Variants in TCF7 observed in about 807,000 individuals in gnomAD.
TCF7 encodes the protein T-cell-factor-7.
Under a neutral mutation model 46.8 loss-of-function variants are expected in TCF7, and 19 were observed. The ratio of observed to expected loss-of-function variants is 0.41; its 90% CI spans 0.28 to 0.60. The LOEUF (loss-of-function observed/expected upper bound fraction) is 0.60, where lower values mean the gene tolerates loss of function less well. Ranked by LOEUF, TCF7 falls within the 20% of genes least tolerant of loss-of-function variation. The probability of loss-of-function intolerance (pLI) is 0.35; values close to 1 mark genes in which losing one functional copy is unlikely to be tolerated. For synonymous variants in TCF7, 245 were observed against 213.4 expected, an observed-to-expected ratio of 1.15 and a Z score of -1.29; for missense variants, 547 against 504.6, an observed-to-expected ratio of 1.08 and a Z score of -0.81.
At chr5:134,139,290 G>A in intron 5 of TCF7, 1 of 535,460 alleles carries the variant, frequency 1.9e-6, no homozygotes, top group Non-Finnish European at 3.3e-6. Context: ...CCTGGTCCCA[G>A]CCCTGTCTCC....
intron 3 of TCF7, among the ~76,000 whole-genome samples, chr5:134,118,673 T>G (rs573311379): frequency 2.0e-5 from 3 of 152,140 alleles, no homozygotes; most frequent in African/African-American, 4.8e-5. Flanking sequence ...AAGAAAAAAT[T>G]AGGTCAAAGT....
At chr5:134,145,094 A>G in intron 9 of TCF7, 2 of 639,434 alleles carry the variant, frequency 3.1e-6, no homozygotes, top group Non-Finnish European at 5.7e-6. Flanking sequence ...AAGACACAGA[A>G]TGTTCCAGAA....
intron 8 of TCF7, 162 bp from the exon 9 acceptor site, chr5:134,143,430 C>T (rs779687082): frequency 1.1e-6 from 1 of 877,878 alleles, no homozygotes; most frequent in Admixed American, 1.7e-5. Context: ...AAATGCACTC[C>T]ATAGCAGCCT....
At chr5:134,133,263 C>G (rs1758406391) in intron 3 of TCF7, among the ~76,000 whole-genome samples, 1 of 152,220 alleles carries the variant, frequency 6.6e-6, no homozygotes, top group Non-Finnish European at 1.5e-5. Flanking sequence ...TGAGCACTTA[C>G]TGTGCACCCA....
Position 134,115,935 on chromosome 5 carries a change from G to A in TCF7, c.343G>A (p.Gly115Ser), listed in dbSNP as rs1561646475. Residue 115 changes from glycine (G) to serine (S), a missense_variant, in exon 3 of 10, where the codon GGC becomes AGC. This residue lies in a region of TCF7 where 425 missense variants were observed against 349.9 expected (regional missense o/e 1.21). Coordinates refer to ENST00000342854, the MANE Select transcript of TCF7 (RefSeq NM_003202.5). ...DGLKAPECTS[G>S]MYKETVYSAF... is the part of the protein sequence containing the mutation. ...CCTGAAGGCCCCGGAGTGCACCAGC[G>A]GCATGTACAAAGAGACCGTCTACTC... 2 of 1,613,816 alleles carry A rather than the reference G, an allele frequency of 1.2e-6. No individual in the cohort carries two copies. The highest frequency in any genetic ancestry group is 1.7e-6 in the Non-Finnish European group (2 of 1,180,012).
chr5:134,132,740 G>C (rs1449836833), intron 3 of TCF7, among the ~76,000 whole-genome samples: 1 of 150,864 alleles, frequency 6.6e-6, no homozygotes, highest in Non-Finnish European at 1.5e-5. Context: ...GAAGTTGGGG[G>C]GTGCGGGTTG....
intron 3 of TCF7, among the ~76,000 whole-genome samples, chr5:134,129,110 C>T (rs1388927520): frequency 2.6e-5 from 4 of 152,196 alleles, no homozygotes; most frequent in African/African-American, 4.8e-5. Context: ...TGTGAGACCT[C>T]GGGCAAGATT....
At chr5:134,115,485 C>G (rs1243510885) in intron 2 of TCF7, 98 bp downstream of exon 2, 5 of 1,506,078 alleles carry the variant, frequency 3.3e-6, no homozygotes, top group Non-Finnish European at 4.5e-6. Flanking sequence ...GGTGCCTCCC[C>G]CACCGCAGCT....
chr5:134,147,957 CAG>C lies in TCF7; in HGVS notation c.*1655_*1656del, dbSNP rs927006405. Reference sequence around the variant, plus strand: ...CGCTATTGCACTCCAGTCTGGGTAACAGGGAGACTGCATCTCAAAAAAAAAAA... The same window carrying C: ...CGCTATTGCACTCCAGTCTGGGTAACGGAGACTGCATCTCAAAAAAAAAAA... On this transcript the variant is annotated 3_prime_UTR_variant, in exon 10 of 10. Coordinates refer to ENST00000342854, the MANE Select transcript of TCF7 (RefSeq NM_003202.5). The C allele has an allele frequency of 4.4e-5, 5 of 112,476 alleles. No homozygotes were observed. The highest frequency in any genetic ancestry group is 2.9e-4 in the South Asian group (1 of 3,470). The allele number at this position is 112,476 out of a possible 1,614,324, so 7.0% of individuals were successfully genotyped here. A position where few individuals can be genotyped will look rare whatever the true frequency, so the allele number is the denominator to read the frequency against.
intron 3 of TCF7, among the ~76,000 whole-genome samples, chr5:134,132,623 TCTG>T (rs1758298084): frequency 6.6e-6 from 1 of 152,192 alleles, no homozygotes; most frequent in Admixed American, 6.5e-5. Flanking sequence ...AGGGAGTTTC[TCTG>T]CTGGCGGTGG....
At chr5:134,131,449 G>A (rs1758115929) in intron 3 of TCF7, among the ~76,000 whole-genome samples, 1 of 152,220 alleles carries the variant, frequency 6.6e-6, no homozygotes, top group Non-Finnish European at 1.5e-5. Flanking sequence ...TGCTCTGGAG[G>A]TAGCACAAGG....
intron 3 of TCF7, among the ~76,000 whole-genome samples, chr5:134,126,617 G>A (rs933973171): frequency 7.2e-5 from 11 of 152,230 alleles, no homozygotes; most frequent in African/African-American, 2.7e-4. Flanking sequence ...TGTACAAGTC[G>A]GTAGGGCACA....
chr5:134,138,267 C>T, intron 4 of TCF7, 103 bp downstream of exon 4: 1 of 1,022,134 alleles, frequency 9.8e-7, no homozygotes, highest in Non-Finnish European at 1.5e-6. Flanking sequence ...AACTGGAGAA[C>T]CTGGGGCTGT....
upstream of TCF7, among the ~76,000 whole-genome samples, chr5:134,111,091 G>A (rs1240756810): frequency 1.3e-5 from 2 of 152,192 alleles, no homozygotes; most frequent in Non-Finnish European, 2.9e-5. Context: ...AGCAGGGCAG[G>A]CCTGCGTATG....
At chr5:134,139,209 C>A in intron 5 of TCF7, 171 bp downstream of exon 5, 1 of 976,214 alleles carries the variant, frequency 1.0e-6, no homozygotes, top group Non-Finnish European at 1.5e-6. Context: ...AGCTAGGGGT[C>A]CTCATGTACC....
intron 3 of TCF7, chr5:134,123,725 C>T (rs1239323457): frequency 2.2e-6 from 1 of 456,362 alleles, no homozygotes; most frequent in Admixed American, 2.3e-5. Context: ...CTGGGAGAAG[C>T]TGATGGGCGC....
intron 3 of TCF7, among the ~76,000 whole-genome samples, chr5:134,121,673 C>T (rs1033136796): frequency 2.6e-5 from 4 of 152,130 alleles, no homozygotes; most frequent in Non-Finnish European, 5.9e-5. Context: ...ATTCTTGCCA[C>T]GATGCCACAG....
chr5:134,144,481 C>T (rs895108680), intron 9 of TCF7: 2 of 375,722 alleles, frequency 5.3e-6, no homozygotes, highest in African/African-American at 4.1e-5. Flanking sequence ...TTCCTTGGGC[C>T]CCTCTGCAGC....
chr5:134,138,813 A>G lies in TCF7; in HGVS notation c.548-138A>G, dbSNP rs555540836. The G allele has an allele frequency of 7.1e-5, 96 of 1,351,522 alleles. 1 individual carries two copies. The South Asian group carries it at 1.4e-3, about 19-fold the overall frequency. The allele number at this position is 1,351,522 out of a possible 1,614,324, so 83.7% of individuals were successfully genotyped here. A position where few individuals can be genotyped will look rare whatever the true frequency, so the allele number is the denominator to read the frequency against. ...TATTATCACACTGGGATCCTCCTGAATAAACTAGTTTATGTCTGGTCCTCT... is the reference window on the plus strand; with the variant it reads ...TATTATCACACTGGGATCCTCCTGAGTAAACTAGTTTATGTCTGGTCCTCT... On this transcript the variant is annotated intron_variant, in intron 4 of 9. Coordinates refer to ENST00000342854, the MANE Select transcript of TCF7 (RefSeq NM_003202.5).
Sources: gnomAD v4.1 joint callset for allele counts (sites outside exome capture counted in the v4.1 genomes callset) on GRCh38, gnomAD v4.1.1 for gene constraint, gnomAD v4.1.1 regional missense constraint, MANE v1.5 for transcripts, NCBI Gene and HGNC (gene_info 2026-07-23, HGNC 2026-07-21) for gene names.